PCYOX1: variants seen among roughly 807,000 people sequenced by gnomAD.
PCYOX1 encodes the protein prenylcysteine lyase.
PCYOX1 carries 46 observed loss-of-function variants against 46.4 expected under a neutral mutation model. The ratio of observed to expected loss-of-function variants is 0.99; its 90% CI spans 0.78 to 1.27. The LOEUF is 1.27. PCYOX1 is among the 50% of genes most tolerant of loss of function. The pLI is 0.00. For synonymous variants in PCYOX1, 220 were observed against 231.8 expected (o/e 0.95, Z 0.46); for missense variants, 658 against 628.3 (o/e 1.05, Z -0.51).
chr2:70,275,705 A>G, intron 5 of PCYOX1, 39 bp downstream of exon 5: 1 of 1,575,558 alleles, frequency 6.3e-7, no homozygotes, highest in Non-Finnish European at 8.7e-7. Flanking sequence ...TATCCCCTGC[A>G]GAAAATGATT....
chr2:70,257,928 G>A, upstream of PCYOX1: 3 of 381,824 alleles, frequency 7.9e-6, no homozygotes, highest in East Asian at 1.4e-4. Flanking sequence ...GATGTCTTCT[G>A]AAGGAGGGTG....
chr2:70,269,524 A>G (rs914935729), intron 3 of PCYOX1, among the ~76,000 whole-genome samples: 1 of 151,888 alleles, frequency 6.6e-6, no homozygotes, highest in African/African-American at 2.4e-5. Flanking sequence ...TTTAGTAGAG[A>G]TGGGTTTTCG....
At chr2:70,263,926 T>C (rs1371195948) in intron 3 of PCYOX1, among the ~76,000 whole-genome samples, 1 of 151,020 alleles carries the variant, frequency 6.6e-6, no homozygotes, top group Non-Finnish European at 1.5e-5. Flanking sequence ...CCCAAAGTGT[T>C]GGGATTATAG....
rs372781322 is a variant in PCYOX1, at chr2:70,261,334, C to G, written c.442C>G (p.Gln148Glu). Residue 148 changes from glutamine (Q) to glutamate (E), a missense_variant, in exon 3 of 6, where the codon CAA (glutamine) becomes GAA (glutamate). By Grantham distance (29) the Gln-to-Glu change is conservative. Transcript: ENST00000433351. ...TAAATTAGTTTGGCGCTATGGATTT[C>G]AATCCCTCCGTATGCACATGTGGGT... is the stretch of plus-strand genomic sequence containing the variant. ...VIKLVWRYGFQSLRMHMWVED... is the reference protein window; with the variant it reads ...VIKLVWRYGFESLRMHMWVED... 2.5e-5 allele frequency: 40 copies of G among 1,613,000 alleles called. No individual in the cohort carries two copies. Among genetic ancestry groups the G allele is most frequent in the Non-Finnish European group, 3.3e-5 (39 of 1,178,916 alleles).
At chr2:70,269,572 A>C (rs1474649983) in intron 3 of PCYOX1, among the ~76,000 whole-genome samples, 1 of 152,054 alleles carries the variant, frequency 6.6e-6, no homozygotes, top group East Asian at 1.9e-4. Context: ...CCTAACCTCA[A>C]GTGATCCTCC....
chr2:70,258,170 G>T lies in PCYOX1; in HGVS notation c.6G>T (p.Gly2=). The change falls in exon 1 of 6, where the codon GGG becomes GGT. Residue 2 remains glycine, a synonymous_variant. Coordinates refer to ENST00000433351, the MANE Select transcript of PCYOX1 (RefSeq NM_016297.4). ...CTGCAGAGCTTGTGGAGGCCATGGGGCGCGTCGTCGCGGAGCTCGTCTCCT... is the reference window on the plus strand; with the variant it reads ...CTGCAGAGCTTGTGGAGGCCATGGGTCGCGTCGTCGCGGAGCTCGTCTCCT... M[G]RVVAELVSSL... 1 of 1,594,980 alleles carries T rather than the reference G, an allele frequency of 6.3e-7. No individual in the cohort carries two copies.
In PCYOX1 at chr2:70,261,338, C is replaced by T. The variant is rs2706762; in HGVS notation, c.446C>T (p.Ser149Phe). The T allele has an allele frequency of 0.13, 205,552 of 1,611,022 alleles. 14,876 individuals are homozygous for T. Among genetic ancestry groups the T allele is most frequent in the Non-Finnish European group, 0.15 (175,183 of 1,177,152 alleles). Residue 149 changes from serine (S) to phenylalanine (F), a missense_variant, in exon 3 of 6, where the codon TCC becomes TTC. By Grantham distance (155) the Ser-to-Phe change is radical. Transcript: ENST00000433351. ...IKLVWRYGFQ[S>F]LRMHMWVEDV... ...TTAGTTTGGCGCTATGGATTTCAAT[C>T]CCTCCGTATGCACATGTGGGTAGAG...
intron 3 of PCYOX1, among the ~76,000 whole-genome samples, chr2:70,269,334 AT>A (rs745493965): frequency 0.072 from 9,484 of 131,662 alleles, 316 homozygotes; most frequent in East Asian, 0.18. Context: ...TGCCCAGCTA[AT>A]TTTTTTTTTT....
In PCYOX1 at chr2:70,268,183, C is replaced by T. The variant is rs527622036; in HGVS notation, c.495-6776C>T. ...CAGCAGTGGAAAACCAAGACACCTC[C>T]TAAATCATCTGCCATTACTGTTATA... On this transcript the variant is annotated intron_variant, in intron 3 of 5. Coordinates refer to ENST00000433351, the MANE Select transcript of PCYOX1 (RefSeq NM_016297.4). Among the ~76,000 whole-genome samples, 3 of 152,208 alleles carry T rather than the reference C, an allele frequency of 2.0e-5. No homozygotes were observed. The South Asian group carries it at 6.2e-4, about 32-fold the overall frequency.
At chr2:70,271,570 C>T (rs546530142) in intron 3 of PCYOX1, among the ~76,000 whole-genome samples, 1 of 151,944 alleles carries the variant, frequency 6.6e-6, no homozygotes, top group East Asian at 1.9e-4. Context: ...GATAATTTAC[C>T]AAATGCTTTA....
chr2:70,272,239 G>A (rs553125172), intron 3 of PCYOX1, among the ~76,000 whole-genome samples: 2 of 150,600 alleles, frequency 1.3e-5, no homozygotes, highest in African/African-American at 4.9e-5. Flanking sequence ...CGATTCTCCT[G>A]CCTCCACCTC....
intron 4 of PCYOX1, 55 bp from the exon 5 acceptor site, chr2:70,275,459 A>G: frequency 6.5e-7 from 1 of 1,547,392 alleles, no homozygotes; most frequent in Non-Finnish European, 8.9e-7. Flanking sequence ...GAGAGTGGGT[A>G]GAGAGCCTCT....
intron 3 of PCYOX1, among the ~76,000 whole-genome samples, chr2:70,271,807 G>T (rs1279887641): frequency 6.6e-6 from 1 of 151,902 alleles, no homozygotes; most frequent in Non-Finnish European, 1.5e-5. Flanking sequence ...ACCACTTAAG[G>T]GTGTGAAAAT....
intron 4 of PCYOX1, 139 bp downstream of exon 4, chr2:70,275,309 G>A (rs990160685): frequency 5.5e-5 from 46 of 837,316 alleles, no homozygotes; most frequent in Non-Finnish European, 7.3e-5. Flanking sequence ...AAAATTGTGC[G>A]TATGTAGATG....
intron 3 of PCYOX1, among the ~76,000 whole-genome samples, chr2:70,272,322 T>A (rs993046538): frequency 6.6e-6 from 1 of 152,126 alleles, no homozygotes; most frequent in Non-Finnish European, 1.5e-5. Flanking sequence ...AGGTGGGGTT[T>A]CGCTATGTTG....
intron 2 of PCYOX1, among the ~76,000 whole-genome samples, chr2:70,259,983 T>G (rs931848922): frequency 2.6e-5 from 4 of 152,090 alleles, no homozygotes; most frequent in Admixed American, 2.0e-4. Context: ...GCCCAGCTAA[T>G]TTTTGTATTT....
rs1696684413 is a variant in PCYOX1 at position 70,277,193 on chromosome 2, AG to A, written c.1320del (p.Lys440AsnfsTer21). ...CCATGGCTTGCATATCCTCACTATAAGCCCCCGGAGAAATGCCCCTCTATCA... is the reference window on the plus strand; with the variant it reads ...CCATGGCTTGCATATCCTCACTATAACCCCCGGAGAAATGCCCCTCTATCA... ...KKPWLAYPHY[K>X]PPEKCPSIIL... On this transcript the variant is annotated frameshift_variant, in exon 6 of 6. Coordinates refer to ENST00000433351, the MANE Select transcript of PCYOX1 (RefSeq NM_016297.4). LOFTEE classifies it high-confidence loss of function. 1 of 1,613,950 alleles carries A rather than the reference AG, an allele frequency of 6.2e-7. No individual in the cohort carries two copies. The highest frequency in any genetic ancestry group is 8.5e-7 in the Non-Finnish European group (1 of 1,179,986).
intron 3 of PCYOX1, 53 bp from the exon 4 acceptor site, chr2:70,274,906 C>A: frequency 9.1e-7 from 1 of 1,098,380 alleles, no homozygotes; most frequent in Non-Finnish European, 1.4e-6. Flanking sequence ...CTTTATACAT[C>A]CCCTTCCCCA....
Position 70,259,581 on chromosome 2 carries a change from T to A in PCYOX1, c.319+15T>A, listed in dbSNP as rs1354289985. ...CAAAGACCTGGGTATGTAATTTTGG[T>A]CTTGGAGCTCACCAGATTACTGTGT... On this transcript the variant is annotated intron_variant, in intron 2 of 5. Transcript: ENST00000433351. The A allele has an allele frequency of 6.3e-7, 1 of 1,577,074 alleles. No homozygotes were observed. The highest frequency in any genetic ancestry group is 1.3e-5 in the African/African-American group (1 of 74,240).
Sources: allele counts gnomAD v4.1 joint callset (sites outside exome capture counted in the v4.1 genomes callset), GRCh38; gene constraint gnomAD v4.1.1; transcripts MANE v1.5; gene names NCBI Gene and HGNC (gene_info 2026-07-23, HGNC 2026-07-21).